ITSN2: variants seen among roughly 807,000 people sequenced by gnomAD.
ITSN2 encodes the protein intersectin 2.
A neutral mutation model predicts 243.7 loss-of-function variants in ITSN2; 156 were observed. The observed-to-expected ratio is 0.64, with a 90% CI of 0.56 to 0.73. The LOEUF (loss-of-function observed/expected upper bound fraction) is 0.73. Among genes scored for constraint, ITSN2 ranks in the 30% least tolerant of loss-of-function variants. ITSN2 has a pLI of 0.00. For synonymous variants in ITSN2, 703 were observed against 699.9 expected, an observed-to-expected ratio of 1.00 and a Z score of -0.07; for missense variants, 1,801 against 1,996.1, an observed-to-expected ratio of 0.90 and a Z score of 1.86.
At chr2:24,322,571 T>C (rs1684701876) in intron 2 of ITSN2, among the ~76,000 whole-genome samples, 1 of 152,168 alleles carries the variant, frequency 6.6e-6, no homozygotes, top group South Asian at 2.1e-4. Flanking sequence ...CCTTCCAGCA[T>C]ATACATGAAT....
At chr2:24,285,386 C>A (rs1319078532) in intron 16 of ITSN2, among the ~76,000 whole-genome samples, 1 of 152,178 alleles carries the variant, frequency 6.6e-6, no homozygotes, top group Non-Finnish European at 1.5e-5. Context: ...CTTTCTTTAG[C>A]ATGCTGTTTA....
chr2:24,271,858 T>A lies in ITSN2; in HGVS notation c.2165A>T (p.Glu722Val), dbSNP rs753099885. ...EEEKQKRLQE[E>V]KTQEKIQEEE... ...TTCTTGAATTTTTTCTTGTGTTTTTTCTTCCTGGAGTCGCTTTTGTTTTTC... is the reference window on the plus strand; with the variant it reads ...TTCTTGAATTTTTTCTTGTGTTTTTACTTCCTGGAGTCGCTTTTGTTTTTC... The change falls in exon 19 of 40, where the codon GAA becomes GTA. Residue 722 changes from glutamate (E) to valine (V), a missense_variant. Coordinates refer to ENST00000355123, the MANE Select transcript of ITSN2 (RefSeq NM_006277.3). 1.9e-6 allele frequency: 3 copies of A among 1,610,754 alleles called. No homozygotes were observed. The highest frequency in any genetic ancestry group is 2.5e-6 in the Non-Finnish European group (3 of 1,179,376).
In ITSN2 at chr2:24,300,176, A is replaced by G; in HGVS notation, c.1082-5T>C. On this transcript the variant is annotated splice_polypyrimidine_tract_variant and splice_region_variant and intron_variant, in intron 11 of 39. Coordinates refer to ENST00000355123, the MANE Select transcript of ITSN2 (RefSeq NM_006277.3). ...TCCGTTTGTCCTCAAAAGTAACTGAACAAGGTATGCCTATCAGCATCCACA... is the reference window on the plus strand; with the variant it reads ...TCCGTTTGTCCTCAAAAGTAACTGAGCAAGGTATGCCTATCAGCATCCACA... The G allele has an allele frequency of 6.2e-7, 1 of 1,614,100 alleles. No homozygotes were observed. Among genetic ancestry groups the G allele is most frequent in the Non-Finnish European group, 8.5e-7 (1 of 1,179,982 alleles).
chr2:24,247,858 G>C (rs892933427), intron 27 of ITSN2, among the ~76,000 whole-genome samples: 1 of 151,926 alleles, frequency 6.6e-6, no homozygotes, highest in Non-Finnish European at 1.5e-5. Flanking sequence ...CACTTAGTTC[G>C]GTCCATCTTC....
rs3731626 is a variant in ITSN2, at chr2:24,204,995, G to T, written c.4762+219C>A. Among the ~76,000 whole-genome samples the T allele has an allele frequency of 1.3e-5, 2 of 151,744 alleles. No homozygotes were observed. Among genetic ancestry groups the T allele is most frequent in the Middle Eastern group, 3.2e-3 (1 of 316 alleles). ...AACCCTGTGTCTACTAAAAATACAA[G>T]AATTTGCCAGGCGTGGTGGTGCACA... On this transcript the variant is annotated intron_variant, in intron 38 of 39. Transcript: ENST00000355123. The surrounding 1 kb of genome is among the most constrained non-coding windows in gnomAD (Gnocchi z 5.1).
intron 29 of ITSN2, among the ~76,000 whole-genome samples, chr2:24,234,907 G>A (rs1181316669): frequency 6.6e-6 from 1 of 152,160 alleles, no homozygotes; most frequent in Non-Finnish European, 1.5e-5. Context: ...AATGCAAAAT[G>A]GTACAGCCAC....
intron 29 of ITSN2, among the ~76,000 whole-genome samples, chr2:24,236,188 C>T (rs1348694882): frequency 2.0e-5 from 3 of 152,182 alleles, no homozygotes; most frequent in African/African-American, 7.2e-5. Context: ...TGTACAGCTA[C>T]ATGCTACTAC....
At chr2:24,258,480 T>C (rs1020934454) in intron 22 of ITSN2, among the ~76,000 whole-genome samples, 1 of 152,184 alleles carries the variant, frequency 6.6e-6, no homozygotes, top group Non-Finnish European at 1.5e-5. Flanking sequence ...GGGAAGGAAA[T>C]TGGCATGCTT....
chr2:24,284,864 A>G, intron 16 of ITSN2, 21 bp from the exon 17 acceptor site: 1 of 1,411,110 alleles, frequency 7.1e-7, no homozygotes, highest in Non-Finnish European at 9.9e-7. Context: ...AGGCAGATAA[A>G]AAGCCAATTA....
At chr2:24,251,023 C>G (rs1362442530) in intron 25 of ITSN2, among the ~76,000 whole-genome samples, 1 of 151,326 alleles carries the variant, frequency 6.6e-6, no homozygotes, top group African/African-American at 2.4e-5. Flanking sequence ...AACCCCGTCT[C>G]TACTGAAAAT....
chr2:24,295,759 G>A lies in ITSN2; in HGVS notation c.1540C>T (p.Leu514Phe). 6.4e-7 allele frequency: 1 copy of A among 1,566,026 alleles called. No individual in the cohort carries two copies. The highest frequency in any genetic ancestry group is 8.6e-7 in the Non-Finnish European group (1 of 1,161,504). ...QISGRLQDVR[L>F]KKQTQKTELE... Reference sequence around the variant, plus strand: ...TCAGTCTTTTGAGTTTGCTTTTTGAGTCGGACATCCTGAAGTCTGCCTGAG... The same window carrying A: ...TCAGTCTTTTGAGTTTGCTTTTTGAATCGGACATCCTGAAGTCTGCCTGAG... The change falls in exon 14 of 40, where the codon CTC becomes TTC. Residue 514 changes from leucine (L) to phenylalanine (F), a missense_variant. Coordinates refer to ENST00000355123, the MANE Select transcript of ITSN2 (RefSeq NM_006277.3).
intron 29 of ITSN2, among the ~76,000 whole-genome samples, chr2:24,237,308 A>G (rs2543670): frequency 0.98 from 148,917 of 152,272 alleles, 72,815 homozygotes; most frequent in East Asian, 0.99. Context: ...TGCAGAGCCA[A>G]AATTTCATTA....
At chr2:24,298,349 G>A (rs1681261257) in intron 13 of ITSN2, among the ~76,000 whole-genome samples, 3 of 152,046 alleles carry the variant, frequency 2.0e-5, no homozygotes, top group Non-Finnish European at 4.4e-5. Flanking sequence ...GTAGAGATGG[G>A]GTTTCACTAT....
At position 24,261,260 on chromosome 2, in the gene ITSN2, T is replaced by C; in HGVS notation, c.2538-10A>G. The C allele has an allele frequency of 1.3e-6, 2 of 1,592,650 alleles. No homozygotes were observed. Among genetic ancestry groups the C allele is most frequent in the Non-Finnish European group, 1.7e-6 (2 of 1,162,010 alleles). ...ATTTGAAGAAAGTGGTCTGCAAATA[T>C]AACACTTTGATATAAGTATATTTAT... On this transcript the variant is annotated splice_polypyrimidine_tract_variant and intron_variant, in intron 21 of 39. Transcript: ENST00000355123.
chr2:24,251,314 A>AAAAAAT lies in ITSN2; in HGVS notation c.3120+1030_3120+1031insATTTTT, dbSNP rs1254772674. On this transcript the variant is annotated intron_variant, in intron 25 of 39. Transcript: ENST00000355123. ...AACAGAACTAAACTCCATCTCAAAA[A>AAAAAAT]AAAAAAAAAATAAAATATATATATA... Among the ~76,000 whole-genome samples the AAAAAAT allele has an allele frequency of 5.6e-3, 46 of 8,284 alleles. 18 individuals carry two copies. Among genetic ancestry groups the AAAAAAT allele is most frequent in the East Asian group, 0.048 (13 of 270 alleles). The allele number at this position is 8,284 out of a possible 152,430, so 5.4% of individuals were successfully genotyped here.
intron 12 of ITSN2, among the ~76,000 whole-genome samples, chr2:24,299,388 A>G (rs185699437): frequency 3.3e-5 from 5 of 152,180 alleles, no homozygotes; most frequent in Admixed American, 2.0e-4. Flanking sequence ...TCAGTGTGCA[A>G]TAACTTCCTG....
At chr2:24,299,792 T>C (rs987254511) in intron 12 of ITSN2, 117 bp downstream of exon 12, 12 of 800,950 alleles carry the variant, frequency 1.5e-5, no homozygotes, top group African/African-American at 5.2e-5. Context: ...AAGAATGAAA[T>C]GATGCAGAGC....
chr2:24,300,253 T>C (rs1361683516), intron 11 of ITSN2, 82 bp from the exon 12 acceptor site: 5 of 1,345,542 alleles, frequency 3.7e-6, no homozygotes, highest in Non-Finnish European at 5.1e-6. Flanking sequence ...ACTTATGCCT[T>C]GTGATCATTT....
At chr2:24,245,526 T>C (rs1308949737) in intron 29 of ITSN2, among the ~76,000 whole-genome samples, 1 of 152,072 alleles carries the variant, frequency 6.6e-6, no homozygotes, top group Non-Finnish European at 1.5e-5. Context: ...TTGCCCATGC[T>C]GGAGTGCAGT....
Sources: allele counts gnomAD v4.1 joint callset (sites outside exome capture counted in the v4.1 genomes callset), GRCh38; gene constraint gnomAD v4.1.1; non-coding constraint Gnocchi (gnomAD v3.1); transcripts MANE v1.5; gene names NCBI Gene and HGNC (gene_info 2026-07-23, HGNC 2026-07-21).